Variants in SLC35F1 observed in about 807,000 individuals in gnomAD.
The protein encoded by SLC35F1 is chromosome 6 open reading frame 169.
Under a neutral mutation model 48.7 loss-of-function variants are expected in SLC35F1, and 14 were observed. The observed-to-expected ratio is 0.29, with a 90% CI of 0.19 to 0.45. The LOEUF (loss-of-function observed/expected upper bound fraction) is 0.45. Among genes scored for constraint, SLC35F1 ranks in the 20% least tolerant of loss-of-function variants. SLC35F1 has a pLI of 1.00. For missense variants in SLC35F1, 404 were observed against 500.0 expected (o/e 0.81, Z 1.83); for synonymous variants, 190 against 202.2 (o/e 0.94, Z 0.51).
At chr6:117,949,269 T>G (rs145481701) in intron 1 of SLC35F1, among the ~76,000 whole-genome samples, 169 of 152,292 alleles carry the variant, frequency 1.1e-3, no homozygotes, top group African/African-American at 3.8e-3. Context: ...CTGTAATACG[T>G]TGTGCTTCTG....
intron 6 of SLC35F1, among the ~76,000 whole-genome samples, chr6:118,283,714 A>G (rs1231825593): frequency 6.6e-6 from 1 of 152,182 alleles, no homozygotes; most frequent in Non-Finnish European, 1.5e-5. Context: ...AGGAGTACCA[A>G]ATTAATTTTT....
chr6:118,154,712 C>A, intron 2 of SLC35F1, 92 bp downstream of exon 2: 1 of 1,248,902 alleles, frequency 8.0e-7, no homozygotes, highest in Non-Finnish European at 1.1e-6. Flanking sequence ...ACTTAAGCAT[C>A]AGTTAAGATC....
intron 2 of SLC35F1, among the ~76,000 whole-genome samples, chr6:118,179,147 T>C (rs1446744720): frequency 1.3e-5 from 2 of 152,070 alleles, no homozygotes; most frequent in African/African-American, 4.8e-5. Flanking sequence ...TTTGTATTCA[T>C]CAGTGTTCTC....
chr6:118,231,336 A>G (rs1012552306), intron 2 of SLC35F1, among the ~76,000 whole-genome samples: 4 of 152,204 alleles, frequency 2.6e-5, no homozygotes, highest in Non-Finnish European at 4.4e-5. Flanking sequence ...ATTTCAAAAC[A>G]TTAGCATATT....
chr6:117,933,743 G>C (rs1776130462), intron 1 of SLC35F1, among the ~76,000 whole-genome samples: 1 of 152,156 alleles, frequency 6.6e-6, no homozygotes, highest in Non-Finnish European at 1.5e-5. Context: ...GACAGAGAGG[G>C]CTCTTGTGAT....
chr6:118,145,420 A>G (rs1419354743), intron 1 of SLC35F1, among the ~76,000 whole-genome samples: 3 of 152,232 alleles, frequency 2.0e-5, no homozygotes, highest in Non-Finnish European at 4.4e-5. Context: ...GTTGATTTAA[A>G]AATAATTCCT....
chr6:118,127,337 A>G (rs569565598), intron 1 of SLC35F1, among the ~76,000 whole-genome samples: 7 of 152,050 alleles, frequency 4.6e-5, no homozygotes, highest in Admixed American at 6.6e-5. Flanking sequence ...AAGCCCACTT[A>G]ATCATGGTGG....
In SLC35F1 at chr6:118,267,025, A is replaced by G. The variant is rs775017414; in HGVS notation, c.508A>G (p.Ile170Val). Residue 170 changes from isoleucine (I) to valine (V), a missense_variant, in exon 4 of 8, where the codon ATT becomes GTT. Coordinates refer to ENST00000360388, the MANE Select transcript of SLC35F1 (RefSeq NM_001029858.4). ...GGACTGTTTTGTGATCCCAGTCGTG[A>G]TTTTGCTCTCCTGGTTCTTCCTGCT... The part of the protein sequence containing the change: ...LLDCFVIPVV[I>V]LLSWFFLLIR... 6.2e-7 allele frequency: 1 copy of G among 1,613,672 alleles called. No homozygotes were observed. The highest frequency in any genetic ancestry group is 8.5e-7 in the Non-Finnish European group (1 of 1,179,868).
intron 7 of SLC35F1, among the ~76,000 whole-genome samples, chr6:118,285,724 C>G (rs1776041265): frequency 6.6e-6 from 1 of 152,188 alleles, no homozygotes; most frequent in Admixed American, 6.5e-5. Flanking sequence ...AGAGTATGTT[C>G]TCTTTGGAGA....
At position 118,317,412 on chromosome 6, in the gene SLC35F1, A is replaced by G. The variant is rs1776451672; in HGVS notation, c.*3160A>G. On this transcript the variant is annotated 3_prime_UTR_variant, in exon 8 of 8. Transcript: ENST00000360388. ...ATTGTTTGTTTTGGGTTTCTTTTTG[A>G]TTTATAACTATTTAGTAGTCCCCAG... The G allele has an allele frequency of 6.6e-6, 1 of 152,070 alleles. No individual in the cohort carries two copies. The highest frequency in any genetic ancestry group is 6.5e-5 in the Admixed American group (1 of 15,280). 9.4% of individuals were successfully genotyped at this position (152,070 alleles called of 1,614,324 possible).
chr6:118,088,428 T>C (rs933210998), intron 1 of SLC35F1, among the ~76,000 whole-genome samples: 1 of 152,162 alleles, frequency 6.6e-6, no homozygotes, highest in Non-Finnish European at 1.5e-5. Context: ...AAAAGTAGTT[T>C]CTTGGGAAAT....
intron 1 of SLC35F1, among the ~76,000 whole-genome samples, chr6:118,110,961 T>C (rs1168288171): frequency 6.6e-6 from 1 of 152,086 alleles, no homozygotes; most frequent in African/African-American, 2.4e-5. Flanking sequence ...GTGATTAGAC[T>C]TTGGTACAAC....
chr6:118,253,832 A>G (rs1046056611), intron 3 of SLC35F1, among the ~76,000 whole-genome samples: 4 of 152,042 alleles, frequency 2.6e-5, no homozygotes, highest in African/African-American at 9.7e-5. Flanking sequence ...AGCTTGAGGA[A>G]TGAATGGAAC....
intron 1 of SLC35F1, among the ~76,000 whole-genome samples, chr6:118,093,827 T>C (rs1234408080): frequency 1.3e-5 from 2 of 152,126 alleles, no homozygotes; most frequent in Admixed American, 1.3e-4. Flanking sequence ...TCCAGTAAGG[T>C]CGGAGAAAAC....
At chr6:117,990,749 C>T (rs975715591) in intron 1 of SLC35F1, among the ~76,000 whole-genome samples, 2 of 151,966 alleles carry the variant, frequency 1.3e-5, no homozygotes, top group South Asian at 2.1e-4. Context: ...GATTTTATGA[C>T]GTGTTAGAGA....
At chr6:118,112,070 T>TTCTC (rs71012380) in intron 1 of SLC35F1, among the ~76,000 whole-genome samples, 125 of 146,986 alleles carry the variant, frequency 8.5e-4, no homozygotes, top group African/African-American at 1.4e-3. Context: ...CTTTCTTTCT[T>TTCTC]TTTCTTTATT....
chr6:118,114,192 C>A (rs1157912406), intron 1 of SLC35F1, among the ~76,000 whole-genome samples: 2 of 152,172 alleles, frequency 1.3e-5, no homozygotes, highest in Non-Finnish European at 2.9e-5. Context: ...GGGGCTTGAA[C>A]TAGGCTGTGT....
At chr6:118,220,209 A>C (rs147453861) in intron 2 of SLC35F1, among the ~76,000 whole-genome samples, 31 of 152,268 alleles carry the variant, frequency 2.0e-4, no homozygotes, top group African/African-American at 6.7e-4. Context: ...TTAAAAAAGA[A>C]AATATATCAG....
At chr6:118,206,055 A>G (rs1395822555) in intron 2 of SLC35F1, among the ~76,000 whole-genome samples, 1 of 152,234 alleles carries the variant, frequency 6.6e-6, no homozygotes. Context: ...TTTTGGGTAC[A>G]GATGGTGACG....
Sources: allele counts gnomAD v4.1 joint callset (sites outside exome capture counted in the v4.1 genomes callset), GRCh38; gene constraint gnomAD v4.1.1; transcripts MANE v1.5; gene names NCBI Gene and HGNC (gene_info 2026-07-23, HGNC 2026-07-21).